Variants in R3HCC1L observed in about 807,000 individuals in gnomAD.
R3HCC1L encodes the protein R3H domain and coiled-coil containing 1 like, also known as coiled-coil domain-containing protein R3HCC1L.
Under a neutral mutation model 59.9 loss-of-function variants are expected in R3HCC1L, and 51 were observed. That is an observed-to-expected ratio of 0.85 (90% confidence interval 0.68 to 1.07). R3HCC1L has a LOEUF of 1.07. Ranked by LOEUF, R3HCC1L falls within the 50% of genes least tolerant of loss-of-function variation. The pLI, the probability that R3HCC1L is intolerant of heterozygous loss-of-function variation, is 0.00. For synonymous variants in R3HCC1L, 322 were observed against 315.2 expected, an observed-to-expected ratio of 1.02 and a Z score of -0.23; for missense variants, 965 against 933.0, an observed-to-expected ratio of 1.03 and a Z score of -0.45.
chr10:98,186,972 C>G lies in R3HCC1L; in HGVS notation c.-14-21129C>G, dbSNP rs116844816. Among the ~76,000 whole-genome samples the G allele has an allele frequency of 3.5e-3, 534 of 152,066 alleles. 1 individual carries two copies. Among genetic ancestry groups the G allele is most frequent in the Non-Finnish European group, 6.0e-3 (411 of 67,974 alleles). On this transcript the variant is annotated intron_variant, in intron 4 of 9. Coordinates refer to ENST00000298999, the MANE Select transcript of R3HCC1L (RefSeq NM_001351015.2). ...TAAGTACAGATGTACAACCTTGAGTCTTCATTTATTTGTCTGTAAAATGGT... is the reference window on the plus strand; with the variant it reads ...TAAGTACAGATGTACAACCTTGAGTGTTCATTTATTTGTCTGTAAAATGGT...
intron 4 of R3HCC1L, among the ~76,000 whole-genome samples, chr10:98,184,544 C>G (rs1408168296): frequency 6.6e-6 from 1 of 152,192 alleles, no homozygotes; most frequent in Non-Finnish European, 1.5e-5. Flanking sequence ...TAAGTATACT[C>G]TGTCATGTTC....
chr10:98,172,468 T>C (rs1848609267), intron 4 of R3HCC1L, among the ~76,000 whole-genome samples: 1 of 152,232 alleles, frequency 6.6e-6, no homozygotes, highest in Non-Finnish European at 1.5e-5. Context: ...CTTGATTGTG[T>C]GTCTTAATAT....
intron 5 of R3HCC1L, among the ~76,000 whole-genome samples, chr10:98,222,696 A>G (rs1332032090): frequency 6.6e-6 from 1 of 152,218 alleles, no homozygotes; most frequent in Non-Finnish European, 1.5e-5. Flanking sequence ...TGATTTGCAT[A>G]TATTGAACCA....
chr10:98,149,963 C>A (rs1048746079), intron 1 of R3HCC1L, among the ~76,000 whole-genome samples: 5 of 152,164 alleles, frequency 3.3e-5, no homozygotes, highest in Non-Finnish European at 7.3e-5. Flanking sequence ...CCCTTTAGAT[C>A]TATTAACATT....
chr10:98,232,965 A>T (rs1482287762), intron 6 of R3HCC1L, among the ~76,000 whole-genome samples: 1 of 152,214 alleles, frequency 6.6e-6, no homozygotes, highest in Non-Finnish European at 1.5e-5. Flanking sequence ...ACAGAAAGAA[A>T]GGGTGAATGG....
intron 4 of R3HCC1L, among the ~76,000 whole-genome samples, chr10:98,176,592 G>T (rs1849044158): frequency 2.0e-5 from 3 of 151,956 alleles, no homozygotes; most frequent in African/African-American, 7.3e-5. Context: ...ACTTAGTTCT[G>T]GTAGCTTTCT....
At chr10:98,202,138 CA>C (rs1852119770) in intron 4 of R3HCC1L, among the ~76,000 whole-genome samples, 1 of 152,084 alleles carries the variant, frequency 6.6e-6, no homozygotes, top group Admixed American at 6.6e-5. Flanking sequence ...CTTTTGCTTT[CA>C]GAAAAATTCC....
chr10:98,153,623 A>C (rs1846508778), intron 1 of R3HCC1L, among the ~76,000 whole-genome samples: 1 of 151,310 alleles, frequency 6.6e-6, no homozygotes, highest in Admixed American at 6.6e-5. Flanking sequence ...AAAAAAAAAA[A>C]AAAAAAAAGA....
At chr10:98,137,167 C>G (rs1844684042) in intron 1 of R3HCC1L, among the ~76,000 whole-genome samples, 1 of 152,152 alleles carries the variant, frequency 6.6e-6, no homozygotes. Flanking sequence ...GCCGAGATCA[C>G]ACCACTGTGC....
In R3HCC1L at chr10:98,177,240, T is replaced by C. The variant is rs768494858; in HGVS notation, c.-15+13843T>C. Among the ~76,000 whole-genome samples the C allele has an allele frequency of 5.7e-4, 87 of 152,004 alleles. 1 individual carries two copies. Among genetic ancestry groups the C allele is most frequent in the Non-Finnish European group, 7.4e-4 (50 of 67,972 alleles). On this transcript the variant is annotated intron_variant, in intron 4 of 9. Coordinates refer to ENST00000298999, the MANE Select transcript of R3HCC1L (RefSeq NM_001351015.2). ...GTTCCCCTTCCTGTGTCCAAGTGTT[T>C]TCATTGTTCAATTCCCACCTATGAG...
At chr10:98,229,145 G>A (rs1856045170) in intron 5 of R3HCC1L, among the ~76,000 whole-genome samples, 1 of 152,074 alleles carries the variant, frequency 6.6e-6, no homozygotes, top group Non-Finnish European at 1.5e-5. Flanking sequence ...GCTTGATGGG[G>A]ATGGCATTGA....
At chr10:98,153,890 G>C (rs995980054) in intron 1 of R3HCC1L, among the ~76,000 whole-genome samples, 4 of 151,826 alleles carry the variant, frequency 2.6e-5, no homozygotes, top group African/African-American at 4.8e-5. Flanking sequence ...ACTGTGTTCA[G>C]ATTCTATTAT....
In R3HCC1L at chr10:98,208,330, T is replaced by C. The variant is rs1448335019; in HGVS notation, c.216T>C (p.Asn72=). The C allele has an allele frequency of 6.2e-7, 1 of 1,614,110 alleles. No homozygotes were observed. The highest frequency in any genetic ancestry group is 8.5e-7 in the Non-Finnish European group (1 of 1,180,010). ...FKDKPEARRL[N]INPDRKEHNC... is the part of the protein sequence containing the mutation. Reference sequence around the variant, plus strand: ...ACAAACCGGAGGCTCGAAGACTAAATATCAATCCTGATAGAAAGGAGCATA... The same window carrying C: ...ACAAACCGGAGGCTCGAAGACTAAACATCAATCCTGATAGAAAGGAGCATA... The change falls in exon 5 of 10, where the codon AAT becomes AAC. Residue 72 remains asparagine, a synonymous_variant. Coordinates refer to ENST00000298999, the MANE Select transcript of R3HCC1L (RefSeq NM_001351015.2).
intron 4 of R3HCC1L, among the ~76,000 whole-genome samples, chr10:98,193,315 GGAGGAAGTAA>G (rs1319680883): frequency 1.3e-4 from 20 of 152,110 alleles, no homozygotes; most frequent in African/African-American, 4.6e-4. Flanking sequence ...AAATTGGAAA[GGAGGAAGTAA>G]GATTATCCCT....
chr10:98,205,443 G>A (rs1176502660), intron 4 of R3HCC1L, among the ~76,000 whole-genome samples: 5 of 152,104 alleles, frequency 3.3e-5, no homozygotes, highest in Non-Finnish European at 7.4e-5. Context: ...ATAAAAATGT[G>A]TCATGCCTTT....
At chr10:98,177,334 T>C (rs1036192272) in intron 4 of R3HCC1L, among the ~76,000 whole-genome samples, 2 of 152,206 alleles carry the variant, frequency 1.3e-5, no homozygotes, top group Non-Finnish European at 2.9e-5. Flanking sequence ...TCCAGCTTTA[T>C]CCACGTCCCT....
At chr10:98,240,347 A>G (rs1306778783) in intron 9 of R3HCC1L, among the ~76,000 whole-genome samples, 3 of 152,230 alleles carry the variant, frequency 2.0e-5, no homozygotes, top group Admixed American at 2.0e-4. Flanking sequence ...TCAGGAATGT[A>G]TATAAAATTT....
chr10:98,211,320 A>C (rs972083500), intron 5 of R3HCC1L: 1 of 1,528,530 alleles, frequency 6.5e-7, no homozygotes, highest in Non-Finnish European at 8.8e-7. Context: ...ATTCTGATGC[A>C]CATAAAGCCC....
chr10:98,139,368 A>G (rs1464827025), intron 1 of R3HCC1L, among the ~76,000 whole-genome samples: 2 of 152,230 alleles, frequency 1.3e-5, no homozygotes, highest in African/African-American at 4.8e-5. Flanking sequence ...TGACAACCCC[A>G]GTAACCTAAG....
Sources: gnomAD v4.1 joint callset for allele counts (sites outside exome capture counted in the v4.1 genomes callset) on GRCh38, gnomAD v4.1.1 for gene constraint, MANE v1.5 for transcripts, NCBI Gene and HGNC (gene_info 2026-07-23, HGNC 2026-07-21) for gene names.